Variants in TMC1 observed in about 807,000 individuals in gnomAD.
The protein encoded by TMC1 is transmembrane channel like 1.
Under a neutral mutation model 105.8 loss-of-function variants are expected in TMC1, and 84 were observed. The observed-to-expected ratio is 0.79, with a 90% CI of 0.67 to 0.95. TMC1 has a LOEUF of 0.95. Among genes scored for constraint, TMC1 ranks in the 40% least tolerant of loss-of-function variants. The pLI is 0.00. For synonymous variants in TMC1, 315 were observed against 311.5 expected (o/e 1.01, Z -0.12); for missense variants, 817 against 914.1 (o/e 0.89, Z 1.37).
intron 2 of TMC1, among the ~76,000 whole-genome samples, chr9:72,598,094 A>G (rs1292942926): frequency 1.3e-5 from 2 of 152,206 alleles, no homozygotes; most frequent in African/African-American, 4.8e-5. Context: ...ATGGAAACAA[A>G]ACAAAACACA....
At chr9:72,777,977 C>G (rs1828032490) in intron 13 of TMC1, among the ~76,000 whole-genome samples, 1 of 152,138 alleles carries the variant, frequency 6.6e-6, no homozygotes, top group African/African-American at 2.4e-5. Flanking sequence ...TTGTGGAACA[C>G]CTAGAATGGG....
intron 2 of TMC1, among the ~76,000 whole-genome samples, chr9:72,589,875 CTTACTA>C (rs577904200): frequency 1.4e-3 from 210 of 152,308 alleles, no homozygotes; most frequent in Non-Finnish European, 2.3e-3. Flanking sequence ...GGCATTACAA[CTTACTA>C]TTACTATATT....
At chr9:72,645,841 T>C (rs1259487070) in intron 4 of TMC1, among the ~76,000 whole-genome samples, 1 of 152,208 alleles carries the variant, frequency 6.6e-6, no homozygotes, top group Non-Finnish European at 1.5e-5. Flanking sequence ...TAGTTAATAA[T>C]GTAAAAAAGA....
intron 13 of TMC1, among the ~76,000 whole-genome samples, chr9:72,787,682 C>A (rs1828192384): frequency 6.6e-6 from 1 of 151,450 alleles, no homozygotes; most frequent in Non-Finnish European, 1.5e-5. Flanking sequence ...TACACACACA[C>A]ACATATAATT....
intron 2 of TMC1, among the ~76,000 whole-genome samples, chr9:72,608,599 C>T (rs770169963): frequency 8.6e-5 from 13 of 151,314 alleles, no homozygotes; most frequent in Non-Finnish European, 1.5e-4. Context: ...TCCAGCTACT[C>T]GGGAGGCTGA....
chr9:72,616,690 G>C (rs1207796482), intron 3 of TMC1, among the ~76,000 whole-genome samples: 3 of 143,606 alleles, frequency 2.1e-5, no homozygotes, highest in Non-Finnish European at 3.1e-5. Context: ...TAATGGAATG[G>C]GCTAGAATAT....
chr9:72,693,099 G>A (rs1220412753), intron 6 of TMC1, among the ~76,000 whole-genome samples: 1 of 143,562 alleles, frequency 7.0e-6, no homozygotes, highest in Non-Finnish European at 1.5e-5. Flanking sequence ...CAGCTTGGGT[G>A]ATAGAACAAA....
At chr9:72,617,129 C>T (rs1825146308) in intron 3 of TMC1, among the ~76,000 whole-genome samples, 1 of 152,146 alleles carries the variant, frequency 6.6e-6, no homozygotes, top group African/African-American at 2.4e-5. Context: ...AACGCTTATG[C>T]AGTCCTGTAT....
Position 72,792,003 on chromosome 9 carries a change from G to A in TMC1, c.1342G>A (p.Ala448Thr). ...GAAATGGCTACTGGGACGCATTTTT[G>A]CTCTTCTTTTAGGCAATTTATACGT... ...ALKWLLGRIFALLLGNLYVFI... is the reference protein window; with the variant it reads ...ALKWLLGRIFTLLLGNLYVFI... The change falls in exon 16 of 24, where the codon GCT becomes ACT. Residue 448 changes from alanine (A) to threonine (T), a missense_variant. Physicochemically the swap from Ala to Thr is moderately conservative, Grantham distance 58. Transcript: ENST00000297784. The A allele has an allele frequency of 6.2e-7, 1 of 1,613,998 alleles. No homozygotes were observed. Among genetic ancestry groups the A allele is most frequent in the Non-Finnish European group, 8.5e-7 (1 of 1,179,974 alleles).
chr9:72,653,487 A>T (rs1240845765), intron 5 of TMC1, among the ~76,000 whole-genome samples: 1 of 152,214 alleles, frequency 6.6e-6, no homozygotes, highest in Non-Finnish European at 1.5e-5. Flanking sequence ...TCAACAATAA[A>T]AAGAAAAACT....
chr9:72,714,808 T>A (rs1010785697), intron 8 of TMC1, among the ~76,000 whole-genome samples: 1 of 152,242 alleles, frequency 6.6e-6, no homozygotes, highest in African/African-American at 2.4e-5. Context: ...CCTGCCATTA[T>A]GATGCTGGAT....
At chr9:72,820,714 G>C in intron 19 of TMC1, 128 bp from the exon 20 acceptor site, 1 of 1,153,870 alleles carries the variant, frequency 8.7e-7, no homozygotes. Flanking sequence ...AAAAGGGTTT[G>C]TCTGGTTGAA....
chr9:72,607,615 C>CAA lies in TMC1; in HGVS notation c.-305-8735_-305-8734dup, dbSNP rs1156416280. ...TGGGCGAGAATGCAAGAGTCTGCCT[C>CAA]AAAAAAAAAAAAAAAAAAAGAGTAT... On this transcript the variant is annotated intron_variant, in intron 2 of 23. Transcript: ENST00000297784. Among the ~76,000 whole-genome samples, 521 of 55,100 alleles carry CAA rather than the reference C, an allele frequency of 9.5e-3. 4 individuals are homozygous for CAA. The highest frequency in any genetic ancestry group is 0.032 in the African/African-American group (493 of 15,594). 36.1% of individuals were successfully genotyped at this position (55,100 alleles called of 152,430 possible). A position where few individuals can be genotyped will look rare whatever the true frequency, so the allele number is the denominator to read the frequency against.
intron 2 of TMC1, among the ~76,000 whole-genome samples, chr9:72,609,919 A>G (rs192817515): frequency 1.7e-3 from 257 of 152,142 alleles, no homozygotes; most frequent in African/African-American, 5.8e-3. Flanking sequence ...AGGCTCTGCT[A>G]CCAATCCCAC....
intron 13 of TMC1, among the ~76,000 whole-genome samples, chr9:72,778,437 G>A (rs1223069703): frequency 3.9e-5 from 6 of 152,118 alleles, no homozygotes; most frequent in African/African-American, 7.2e-5. Context: ...TTAAATAGGC[G>A]TGGAGTAGCC....
intron 3 of TMC1, among the ~76,000 whole-genome samples, chr9:72,627,446 C>CA (rs1015686725): frequency 2.2e-4 from 33 of 152,172 alleles, no homozygotes; most frequent in African/African-American, 7.7e-4. Context: ...CAAGTAGATC[C>CA]CACTGCAGTG....
chr9:72,536,099 C>T (rs1823579733), intron 1 of TMC1, among the ~76,000 whole-genome samples: 1 of 152,144 alleles, frequency 6.6e-6, no homozygotes, highest in Non-Finnish European at 1.5e-5. Flanking sequence ...CCTAATAGTC[C>T]CTAAAAGTCT....
At chr9:72,768,818 G>A (rs542023641) in intron 12 of TMC1, among the ~76,000 whole-genome samples, 14 of 152,084 alleles carry the variant, frequency 9.2e-5, no homozygotes, top group African/African-American at 2.9e-4. Context: ...TGATATTTTC[G>A]GTGTGTCTTT....
intron 2 of TMC1, among the ~76,000 whole-genome samples, chr9:72,601,209 C>A (rs1390337708): frequency 1.3e-5 from 2 of 148,914 alleles, no homozygotes; most frequent in Admixed American, 1.3e-4. Context: ...CACACACACA[C>A]ACACACACAC....
Sources: gnomAD v4.1 joint callset for allele counts (sites outside exome capture counted in the v4.1 genomes callset) on GRCh38, gnomAD v4.1.1 for gene constraint, MANE v1.5 for transcripts, NCBI Gene and HGNC (gene_info 2026-07-23, HGNC 2026-07-21) for gene names.